MARF1: variants seen among roughly 807,000 people sequenced by gnomAD.
MARF1 encodes the protein limkain-b1.
A neutral mutation model predicts 168.2 loss-of-function variants in MARF1; 24 were observed. The ratio of observed to expected loss-of-function variants is 0.14; its 90% confidence interval spans 0.10 to 0.20. MARF1 has a LOEUF of 0.20. Among genes scored for constraint, MARF1 ranks in the 10% least tolerant of loss-of-function variants. The pLI, the probability that MARF1 is intolerant of heterozygous loss-of-function variation, is 1.00. For missense variants in MARF1, 1,744 were observed against 2,143.6 expected, an observed-to-expected ratio of 0.81 and a Z score of 3.68; for synonymous variants, 868 against 822.4, an observed-to-expected ratio of 1.06 and a Z score of -0.95.
intron 6 of MARF1, 134 bp from the exon 7 acceptor site, chr16:15,630,638 A>G (rs2035186892): frequency 4.4e-6 from 3 of 687,778 alleles, no homozygotes; most frequent in Non-Finnish European, 6.6e-6. Flanking sequence ...CCCGTTTCTT[A>G]GGAAAGAAAC....
chr16:15,597,168 A>T (rs2031800219), intron 26 of MARF1, among the ~76,000 whole-genome samples: 1 of 152,180 alleles, frequency 6.6e-6, no homozygotes, highest in South Asian at 2.1e-4. Flanking sequence ...AGTTGGAAAG[A>T]TCTCTATTTT....
At chr16:15,604,997 G>T (rs774957806) in intron 21 of MARF1, among the ~76,000 whole-genome samples, 1 of 152,192 alleles carries the variant, frequency 6.6e-6, no homozygotes, top group African/African-American at 2.4e-5. Context: ...AGATTCTCAA[G>T]GAGATAAAGG....
chr16:15,600,879 G>A (rs1712724033), intron 23 of MARF1, 178 bp from the exon 24 acceptor site: 3 of 724,386 alleles, frequency 4.1e-6, no homozygotes, highest in Non-Finnish European at 7.5e-6. Flanking sequence ...GAAGCTGACA[G>A]AAACATACCC....
At chr16:15,642,264 A>T (rs2036045086) in intron 1 of MARF1, among the ~76,000 whole-genome samples, 1 of 151,934 alleles carries the variant, frequency 6.6e-6, no homozygotes, top group Admixed American at 6.6e-5. Context: ...AGCTTATTTT[A>T]TTATCTTTCT....
intron 20 of MARF1, 75 bp downstream of exon 20, chr16:15,609,448 G>T: frequency 8.0e-7 from 1 of 1,253,770 alleles, no homozygotes; most frequent in Non-Finnish European, 1.1e-6. Flanking sequence ...AGAAAAACAG[G>T]TCTGGAACGT....
intron 15 of MARF1, 170 bp downstream of exon 15, chr16:15,616,882 G>T: frequency 1.1e-6 from 1 of 871,116 alleles, no homozygotes; most frequent in Non-Finnish European, 1.8e-6. Flanking sequence ...TCCATGGTTG[G>T]CCAAAATTTT....
At chr16:15,634,638 T>C (rs1383874749) in intron 4 of MARF1, 119 bp downstream of exon 4, 1 of 889,842 alleles carries the variant, frequency 1.1e-6, no homozygotes, top group East Asian at 2.6e-5. Context: ...AATTGGAGAC[T>C]CACATACACA....
chr16:15,630,008 A>G (rs1270521009), intron 7 of MARF1, among the ~76,000 whole-genome samples: 1 of 152,246 alleles, frequency 6.6e-6, no homozygotes, highest in African/African-American at 2.4e-5. Context: ...TTGGAAGCAA[A>G]AAGAATCATG....
intron 22 of MARF1, among the ~76,000 whole-genome samples, chr16:15,603,105 G>A (rs545561814): frequency 6.6e-6 from 1 of 152,288 alleles, no homozygotes; most frequent in East Asian, 1.9e-4. Context: ...GTGTTCTTAG[G>A]ATAGATATTA....
At chr16:15,628,323 G>C (rs963478700) in intron 7 of MARF1, among the ~76,000 whole-genome samples, 2 of 152,042 alleles carry the variant, frequency 1.3e-5, no homozygotes, top group Non-Finnish European at 2.9e-5. Flanking sequence ...CTGGAGGGTA[G>C]AATTGTGGGG....
Position 15,596,440 on chromosome 16 carries a change from T to A in MARF1, c.*253A>T. 1 of 328,988 alleles carries A rather than the reference T, an allele frequency of 3.0e-6. No individual in the cohort carries two copies. Among genetic ancestry groups the A allele is most frequent in the South Asian group, 1.3e-4 (1 of 7,930 alleles). 20.4% of individuals were successfully genotyped at this position (328,988 alleles called of 1,614,324 possible). A position where few individuals can be genotyped will look rare whatever the true frequency, so the allele number is the denominator to read the frequency against. On this transcript the variant is annotated 3_prime_UTR_variant, in exon 27 of 27. Transcript: ENST00000396368. The stretch of plus-strand genomic sequence containing the variant: ...GTTACTAAAAATTTGGTAAAATATA[T>A]TAAGGATTCTTTAACAAATGCCACA...
At chr16:15,630,589 G>A (rs1322215069) in intron 6 of MARF1, 85 bp from the exon 7 acceptor site, 1 of 1,254,362 alleles carries the variant, frequency 8.0e-7, no homozygotes, top group East Asian at 2.5e-5. Context: ...CACCCACTGA[G>A]AAGAAAGGAA....
intron 10 of MARF1, among the ~76,000 whole-genome samples, chr16:15,623,715 C>A (rs1357128168): frequency 6.6e-6 from 1 of 152,122 alleles, no homozygotes; most frequent in Non-Finnish European, 1.5e-5. Context: ...AGAGGCAGTC[C>A]TGATGAATTA....
In MARF1 at chr16:15,605,873, G is replaced by T. The variant is rs559485100; in HGVS notation, c.4183-1475C>A. On this transcript the variant is annotated intron_variant, in intron 21 of 26. Transcript: ENST00000396368. ...CCAGCAAAGCCCTAGGTCATGGCGT[G>T]GGGTCTTCCTATCCACCTGAGTCCA... is the stretch of plus-strand genomic sequence containing the variant. 2.6e-3 allele frequency: 398 copies of T among 152,612 alleles called. 3 individuals carry two copies. The highest frequency in any genetic ancestry group is 0.01 in the Middle Eastern group (3 of 294). The allele number at this position is 152,612 out of a possible 1,614,324, so 9.5% of individuals were successfully genotyped here. A position where few individuals can be genotyped will look rare whatever the true frequency, so the allele number is the denominator to read the frequency against.
At chr16:15,609,399 G>A (rs1160413699) in intron 20 of MARF1, 124 bp downstream of exon 20, 5 of 738,018 alleles carry the variant, frequency 6.8e-6, no homozygotes, top group Non-Finnish European at 1.1e-5. Context: ...GACTGGAATA[G>A]CTTAGATTTT....
rs753970099 is a variant in MARF1, at chr16:15,608,566, G to A, written c.3955-48C>T. ...GAAAGGGAAAATAAACAAATCACGGGTGTTTACAGAATAGCAAAAAAAGTA... is the reference window on the plus strand; with the variant it reads ...GAAAGGGAAAATAAACAAATCACGGATGTTTACAGAATAGCAAAAAAAGTA... On this transcript the variant is annotated intron_variant, in intron 20 of 26. Transcript: ENST00000396368. 21 of 1,412,154 alleles carry A rather than the reference G, an allele frequency of 1.5e-5. No homozygotes were observed. The East Asian group carries it at 4.9e-4, about 33-fold the overall frequency. 87.5% of individuals were successfully genotyped at this position (1,412,154 alleles called of 1,614,324 possible).
chr16:15,596,298 C>CT lies in MARF1; in HGVS notation c.*394dup, dbSNP rs1490492539. 3.1e-5 allele frequency: 5 copies of CT among 159,130 alleles called. No individual in the cohort carries two copies. Among genetic ancestry groups the CT allele is most frequent in the African/African-American group, 1.2e-4 (5 of 41,684 alleles). 9.9% of individuals were successfully genotyped at this position (159,130 alleles called of 1,614,324 possible). On this transcript the variant is annotated 3_prime_UTR_variant, in exon 27 of 27. Coordinates refer to ENST00000396368, the MANE Select transcript of MARF1 (RefSeq NM_014647.4). ...ACCAGTAAGCAAAGGCTGAGAGACT[C>CT]TATTATGCTACATGTAGGATGACAC... is the stretch of plus-strand genomic sequence containing the variant.
rs1414809644 is a variant in MARF1 at position 15,625,132 on chromosome 16, ACT to A, written c.1993_1994del (p.Ser665Ter). 1 of 1,614,106 alleles carries A rather than the reference ACT, an allele frequency of 6.2e-7. No homozygotes were observed. Among genetic ancestry groups the A allele is most frequent in the Non-Finnish European group, 8.5e-7 (1 of 1,180,020 alleles). On this transcript the variant is annotated frameshift_variant, in exon 9 of 27. Coordinates refer to ENST00000396368, the MANE Select transcript of MARF1 (RefSeq NM_014647.4). LOFTEE classifies it high-confidence loss of function. ...GCCTCAGGTGACCTTGCTGGTGCTC[ACT>A]GTTTCTATGACCAGTTTTTGACTCC... The part of the protein sequence containing the change: ...RMESKTGHRN[S>X]EHQQGHLRLV...
At chr16:15,602,633 G>GGAGGGAGGCAGAGAGGAAAGAAA (rs1354211645) in intron 22 of MARF1, 5 of 459,046 alleles carry the variant, frequency 1.1e-5, no homozygotes, top group Non-Finnish European at 2.2e-5. Context: ...AAGGAAAGAA[G>GGAGGGAGGCAGAGAGGAAAGAAA]GAAGAGGAGA....
Sources: gnomAD v4.1 joint callset for allele counts (sites outside exome capture counted in the v4.1 genomes callset) on GRCh38, gnomAD v4.1.1 for gene constraint, MANE v1.5 for transcripts, NCBI Gene and HGNC (gene_info 2026-07-23, HGNC 2026-07-21) for gene names.